LHFPL3: variants seen among roughly 807,000 people sequenced by gnomAD.
LHFPL3 encodes LHFPL tetraspan subfamily member 3, also known as LHFPL tetraspan subfamily member 3 protein.
Under a neutral mutation model 19.3 loss-of-function variants are expected in LHFPL3, and 5 were observed. The observed-to-expected ratio is 0.26, with a 90% confidence interval of 0.14 to 0.54. The LOEUF (loss-of-function observed/expected upper bound fraction) is 0.54, where lower values mean the gene tolerates loss of function less well. LHFPL3 is among the 20% of genes least tolerant of loss of function. LHFPL3 has a pLI of 0.94. For synonymous variants in LHFPL3, 133 were observed against 126.2 expected (o/e 1.05, Z -0.36); for missense variants, 249 against 307.4 (o/e 0.81, Z 1.42).
At chr7:104,881,964 A>G (rs1792068008) in intron 2 of LHFPL3, among the ~76,000 whole-genome samples, 1 of 152,234 alleles carries the variant, frequency 6.6e-6, no homozygotes, top group Admixed American at 6.5e-5. Context: ...TTTTAGATGT[A>G]ATGCTACTGC....
At chr7:104,896,448 G>C (rs1792362925) in intron 2 of LHFPL3, among the ~76,000 whole-genome samples, 2 of 152,156 alleles carry the variant, frequency 1.3e-5, no homozygotes. Flanking sequence ...CTGTCCAAAA[G>C]GTGAGCTCCA....
At chr7:104,720,467 G>C (rs1793467638) in intron 1 of LHFPL3, among the ~76,000 whole-genome samples, 1 of 152,158 alleles carries the variant, frequency 6.6e-6, no homozygotes, top group Admixed American at 6.5e-5. Flanking sequence ...ATACAATTCA[G>C]GACGTAGGCA....
At chr7:104,747,137 TACA>T (rs1467848618) in intron 2 of LHFPL3, among the ~76,000 whole-genome samples, 3 of 152,250 alleles carry the variant, frequency 2.0e-5, no homozygotes, top group African/African-American at 7.2e-5. Context: ...GTTATTCCTT[TACA>T]ACATTTATTC....
At chr7:104,732,461 A>G (rs552162006) in intron 1 of LHFPL3, among the ~76,000 whole-genome samples, 25 of 152,266 alleles carry the variant, frequency 1.6e-4, no homozygotes, top group East Asian at 5.8e-4. Flanking sequence ...GGGAGGATGT[A>G]TATGTCCAGG....
chr7:104,550,057 A>T (rs568191270), intron 1 of LHFPL3, among the ~76,000 whole-genome samples: 1 of 152,132 alleles, frequency 6.6e-6, no homozygotes, highest in East Asian at 1.9e-4. Flanking sequence ...GCCAGCAGAC[A>T]AGAGACCTAG....
At chr7:104,900,760 A>C (rs900279506) in intron 2 of LHFPL3, among the ~76,000 whole-genome samples, 17 of 152,220 alleles carry the variant, frequency 1.1e-4, no homozygotes, top group African/African-American at 4.1e-4. Context: ...TAAATGCTGC[A>C]CTCATGAGCA....
chr7:104,561,257 G>T (rs2115948356), intron 1 of LHFPL3, among the ~76,000 whole-genome samples: 1 of 148,732 alleles, frequency 6.7e-6, no homozygotes, highest in Middle Eastern at 3.4e-3. Flanking sequence ...CTGTCTCGTT[G>T]ATCTGTCTAA....
chr7:104,428,325 C>T (rs1346326978), intron 1 of LHFPL3, among the ~76,000 whole-genome samples: 1 of 152,106 alleles, frequency 6.6e-6, no homozygotes, highest in Non-Finnish European at 1.5e-5. Context: ...CATGCATATC[C>T]AAGAATGCAT....
chr7:104,907,966 A>G lies in LHFPL3; in HGVS notation c.*1751A>G, dbSNP rs541378806. ...AAGGGAATACTTAGTATCTACAACT[A>G]AAGTATTAGTCATTCTGAGGATTAT... On this transcript the variant is annotated 3_prime_UTR_variant, in exon 3 of 3. Transcript: ENST00000424859. Among the ~76,000 whole-genome samples, 16 of 152,336 alleles carry G rather than the reference A, an allele frequency of 1.1e-4. No individual in the cohort carries two copies. Among genetic ancestry groups the G allele is most frequent in the Admixed American group, 8.5e-4 (13 of 15,304 alleles).
At position 104,848,144 on chromosome 7, in the gene LHFPL3, G is replaced by T. The variant is rs1421768841; in HGVS notation, c.683-58043G>T. Among the ~76,000 whole-genome samples the T allele has an allele frequency of 2.0e-5, 3 of 152,200 alleles. No individual in the cohort carries two copies. In the East Asian group the frequency reaches 5.8e-4, roughly 29 times the overall value. On this transcript the variant is annotated intron_variant, in intron 2 of 2. Coordinates refer to ENST00000424859, the MANE Select transcript of LHFPL3 (RefSeq NM_199000.3). ...AGCTCCAGAATTTTGGCAGAGAAGG[G>T]AATGAGAGGCAGCTCATCTGGCTGG...
chr7:104,385,033 T>G (rs1380712712), intron 1 of LHFPL3, among the ~76,000 whole-genome samples: 1 of 152,050 alleles, frequency 6.6e-6, no homozygotes, highest in Non-Finnish European at 1.5e-5. Flanking sequence ...CTCACGTTTT[T>G]TATGTGCCTT....
chr7:104,529,012 C>T (rs780657877), intron 1 of LHFPL3, among the ~76,000 whole-genome samples: 7 of 152,138 alleles, frequency 4.6e-5, no homozygotes, highest in Non-Finnish European at 1.0e-4. Context: ...AAGCCTTTTC[C>T]TGCACTGTCT....
chr7:104,330,877 GAC>G (rs1012153473), intron 1 of LHFPL3, among the ~76,000 whole-genome samples: 2 of 152,102 alleles, frequency 1.3e-5, no homozygotes, highest in Non-Finnish European at 2.9e-5. Context: ...CTTTGAAGAG[GAC>G]ACACACATGC....
chr7:104,875,679 A>G (rs1791925124), intron 2 of LHFPL3, among the ~76,000 whole-genome samples: 1 of 152,242 alleles, frequency 6.6e-6, no homozygotes, highest in Admixed American at 6.5e-5. Flanking sequence ...AAGTCTTTAA[A>G]TTATATGATA....
chr7:104,583,050 A>G (rs983783822), intron 1 of LHFPL3, among the ~76,000 whole-genome samples: 9 of 151,996 alleles, frequency 5.9e-5, no homozygotes, highest in African/African-American at 1.9e-4. Flanking sequence ...TAGAAAATAG[A>G]GATCACCAGT....
At chr7:104,848,501 C>G (rs944921989) in intron 2 of LHFPL3, among the ~76,000 whole-genome samples, 2 of 152,168 alleles carry the variant, frequency 1.3e-5, no homozygotes, top group Non-Finnish European at 2.9e-5. Flanking sequence ...CAAAAAACAG[C>G]CAGCTTGGAG....
At chr7:104,571,604 G>T (rs894857511) in intron 1 of LHFPL3, among the ~76,000 whole-genome samples, 1 of 152,118 alleles carries the variant, frequency 6.6e-6, no homozygotes, top group African/African-American at 2.4e-5. Flanking sequence ...GATGGGTCGG[G>T]TTATATGAAA....
chr7:104,522,685 T>C (rs1239721219), intron 1 of LHFPL3, among the ~76,000 whole-genome samples: 1 of 152,010 alleles, frequency 6.6e-6, no homozygotes, highest in Non-Finnish European at 1.5e-5. Flanking sequence ...TGAAAGACAA[T>C]ACAGAAGGTC....
chr7:104,450,941 A>G (rs1249724477), intron 1 of LHFPL3, among the ~76,000 whole-genome samples: 2 of 152,168 alleles, frequency 1.3e-5, no homozygotes, highest in African/African-American at 4.8e-5. Context: ...CACTAAATCA[A>G]CAAAGCAGAG....
Sources: gnomAD v4.1 joint callset for allele counts (sites outside exome capture counted in the v4.1 genomes callset) on GRCh38, gnomAD v4.1.1 for gene constraint, MANE v1.5 for transcripts, NCBI Gene and HGNC (gene_info 2026-07-23, HGNC 2026-07-21) for gene names.